Variants in AVL9 observed in about 807,000 individuals in gnomAD.
AVL9 encodes late secretory pathway protein AVL9 homolog.
In AVL9, 49 loss-of-function variants were observed where a neutral mutation model predicts 79.2. The ratio of observed to expected loss-of-function variants is 0.62; its 90% CI spans 0.49 to 0.79. The LOEUF is 0.79. AVL9 is among the 30% of genes least tolerant of loss of function. The pLI is 0.00. For synonymous variants in AVL9, 299 were observed against 280.6 expected (o/e 1.07, Z -0.65); for missense variants, 682 against 776.8 (o/e 0.88, Z 1.45).
At chr7:32,523,916 G>C (rs868807088) in intron 1 of AVL9, among the ~76,000 whole-genome samples, 1 of 151,716 alleles carries the variant, frequency 6.6e-6, no homozygotes, top group Non-Finnish European at 1.5e-5. Flanking sequence ...TGTATTTTTA[G>C]TAGAGATGGG....
intron 1 of AVL9, among the ~76,000 whole-genome samples, chr7:32,502,979 GA>G (rs1444668201): frequency 1.3e-5 from 2 of 152,158 alleles, no homozygotes; most frequent in Non-Finnish European, 2.9e-5. Context: ...CACATCTACT[GA>G]ATCTGTTGTG....
Position 32,559,358 on chromosome 7 carries a change from T to C in AVL9, c.1109T>C (p.Ile370Thr), listed in dbSNP as rs1282828901. Reference protein sequence around the residue: ...KDSVPSESLPITVQPQANTGQ... With the variant: ...KDSVPSESLPTTVQPQANTGQ... ...TCTGTCCCCTCAGAGAGTCTTCCAA[T>C]TACTGTACAACCTCAAGCTAATACG... Residue 370 changes from isoleucine to threonine, a missense_variant, in exon 10 of 16, where the codon ATT becomes ACT. Physicochemically the swap from Ile to Thr is moderately conservative, Grantham distance 89. Coordinates refer to ENST00000318709, the MANE Select transcript of AVL9 (RefSeq NM_015060.3). 1 of 1,614,002 alleles carries C rather than the reference T, an allele frequency of 6.2e-7. No individual in the cohort carries two copies. The highest frequency in any genetic ancestry group is 8.5e-7 in the Non-Finnish European group (1 of 1,180,032).
chr7:32,580,998 T>C (rs922032705), intron 15 of AVL9, 108 bp downstream of exon 15: 4 of 894,132 alleles, frequency 4.5e-6, no homozygotes, highest in African/African-American at 3.4e-5. Flanking sequence ...ATCTGTGTTA[T>C]CACATAGTAA....
In AVL9 at chr7:32,584,305, C is replaced by T. The variant is rs1426701976; in HGVS notation, c.*398C>T. The T allele has an allele frequency of 5.5e-6, 1 of 180,796 alleles. No individual in the cohort carries two copies. Among genetic ancestry groups the T allele is most frequent in the African/African-American group, 2.4e-5 (1 of 42,232 alleles). 11.2% of individuals were successfully genotyped at this position (180,796 alleles called of 1,614,324 possible). A position where few individuals can be genotyped will look rare whatever the true frequency, so the allele number is the denominator to read the frequency against. ...TACTTGCTAAAATTAATTTATATTA[C>T]CATTTTCTCTAAAGTTGGCCTTAAA... On this transcript the variant is annotated 3_prime_UTR_variant, in exon 16 of 16. Transcript: ENST00000318709.
At chr7:32,515,398 G>T (rs1002039605) in intron 1 of AVL9, among the ~76,000 whole-genome samples, 1 of 152,172 alleles carries the variant, frequency 6.6e-6, no homozygotes, top group South Asian at 2.1e-4. Context: ...AGAGCTGGGA[G>T]CCCTCCTCCC....
chr7:32,576,791 G>GA (rs901705269), intron 13 of AVL9, among the ~76,000 whole-genome samples: 61 of 148,586 alleles, frequency 4.1e-4, no homozygotes, highest in African/African-American at 1.3e-3. Flanking sequence ...TGTCTCAAAA[G>GA]AAAAAAAAAA....
chr7:32,570,525 A>C (rs1179633057), intron 11 of AVL9, among the ~76,000 whole-genome samples: 2 of 152,222 alleles, frequency 1.3e-5, no homozygotes, highest in African/African-American at 4.8e-5. Context: ...GCCTGTTTAG[A>C]ATGCTCTTGA....
At chr7:32,503,671 T>G (rs1787280233) in intron 1 of AVL9, among the ~76,000 whole-genome samples, 2 of 145,606 alleles carry the variant, frequency 1.4e-5, no homozygotes, top group Non-Finnish European at 3.0e-5. Flanking sequence ...TATGTGCACA[T>G]GGCTACAAGG....
rs536002091 is a variant in AVL9, at chr7:32,562,464, T to C, written c.1215+3000T>C. ...TGGCTAATTGTTCTAACCCTATTTT[T>C]TAATCTTTTTATAAAAACCATTCAG... On this transcript the variant is annotated intron_variant, in intron 10 of 15. Coordinates refer to ENST00000318709, the MANE Select transcript of AVL9 (RefSeq NM_015060.3). 68 of 205,056 alleles carry C rather than the reference T, an allele frequency of 3.3e-4. No homozygotes were observed. In the Middle Eastern group the frequency reaches 7.7e-3, roughly 23 times the overall value. The allele number at this position is 205,056 out of a possible 1,614,324, so 12.7% of individuals were successfully genotyped here.
chr7:32,495,548 G>A lies in AVL9; in HGVS notation c.-162G>A. On this transcript the variant is annotated 5_prime_UTR_variant, in exon 1 of 16. An upstream open reading frame in the 5' UTR gains an earlier in-frame stop. Transcript: ENST00000318709. ...ATGAGGGAAGGGCGGCCGTGGCCCTGGGGGCGGCGGGAGCTGCTTTGCCTC... is the reference window on the plus strand; with the variant it reads ...ATGAGGGAAGGGCGGCCGTGGCCCTAGGGGCGGCGGGAGCTGCTTTGCCTC... 2 of 417,650 alleles carry A rather than the reference G, an allele frequency of 4.8e-6. No individual in the cohort carries two copies. The highest frequency in any genetic ancestry group is 1.4e-4 in the South Asian group (1 of 7,384). 25.9% of individuals were successfully genotyped at this position (417,650 alleles called of 1,614,324 possible). A position where few individuals can be genotyped will look rare whatever the true frequency, so the allele number is the denominator to read the frequency against.
At chr7:32,514,943 C>T (rs1438530606) in intron 1 of AVL9, among the ~76,000 whole-genome samples, 1 of 152,198 alleles carries the variant, frequency 6.6e-6, no homozygotes, top group Admixed American at 6.5e-5. Flanking sequence ...AAAAATACAG[C>T]ACATGTTTTT....
intron 1 of AVL9, 70 bp from the exon 2 acceptor site, chr7:32,543,070 AT>A: frequency 6.3e-7 from 1 of 1,589,146 alleles, no homozygotes; most frequent in Non-Finnish European, 8.6e-7. Flanking sequence ...GTTTAAAAGC[AT>A]TTTTACCTAT....
At position 32,576,542 on chromosome 7, in the gene AVL9, G is replaced by C. The variant is rs549589193; in HGVS notation, c.1688+470G>C. On this transcript the variant is annotated intron_variant, in intron 13 of 15. Coordinates refer to ENST00000318709, the MANE Select transcript of AVL9 (RefSeq NM_015060.3). ...CTCATGCCTGTAATCCCAACACTTTGGGAGGCCGAGGTGGGCAGATCACCT... is the reference window on the plus strand; with the variant it reads ...CTCATGCCTGTAATCCCAACACTTTCGGAGGCCGAGGTGGGCAGATCACCT... Among the ~76,000 whole-genome samples, 3 of 152,300 alleles carry C rather than the reference G, an allele frequency of 2.0e-5. No individual in the cohort carries two copies. In the South Asian group the frequency reaches 6.2e-4, roughly 32 times the overall value.
chr7:32,549,868 AGAGATCAGCCACTGC>A (rs1222461873), intron 4 of AVL9, among the ~76,000 whole-genome samples: 2 of 150,950 alleles, frequency 1.3e-5, no homozygotes, highest in Non-Finnish European at 2.9e-5. Flanking sequence ...TGCAGTGAGC[AGAGATCAGCCACTGC>A]ACTCCAGCCT....
intron 12 of AVL9, among the ~76,000 whole-genome samples, chr7:32,574,066 T>C (rs1213598725): frequency 1.3e-5 from 2 of 152,186 alleles, no homozygotes; most frequent in East Asian, 1.9e-4. Context: ...AGATATTTAT[T>C]AGAGTTGTTA....
At position 32,560,222 on chromosome 7, in the gene AVL9, TAATA is replaced by T. The variant is rs1421842618; in HGVS notation, c.1215+762_1215+765del. 1.1e-4 allele frequency among the ~76,000 whole-genome samples: 16 copies of T among 147,898 alleles called. No homozygotes were observed. In the Admixed American group the frequency reaches 1.1e-3, roughly 10 times the overall value. On this transcript the variant is annotated intron_variant, in intron 10 of 15. Transcript: ENST00000318709. The stretch of plus-strand genomic sequence containing the variant: ...GAGGGAGACTCTATTATTTTTTAAA[TAATA>T]AATGTTTATTATTTAAAATTTAATA...
chr7:32,554,824 G>A (rs960356529), intron 8 of AVL9, among the ~76,000 whole-genome samples: 3 of 152,086 alleles, frequency 2.0e-5, no homozygotes, highest in Non-Finnish European at 2.9e-5. Flanking sequence ...AAATAGAAAG[G>A]ACATATTGGC....
At chr7:32,535,087 T>C (rs1220954568) in intron 1 of AVL9, 2 of 152,262 alleles carry the variant, frequency 1.3e-5, no homozygotes, top group Non-Finnish European at 1.5e-5. Flanking sequence ...TTTTCAGAGC[T>C]TCTCCTGTGT....
intron 3 of AVL9, among the ~76,000 whole-genome samples, chr7:32,548,144 C>CTCTTTTTTTTTTTTTTTTTTTTTTTTTTT (rs1227025763): frequency 6.9e-5 from 4 of 57,594 alleles, no homozygotes; most frequent in African/African-American, 2.2e-4. Context: ...TTTGTCATCT[C>CTCTTTTTTTTTTTTTTTTTTTTTTTTTTT]TTTTTTCTTT....
Sources: gnomAD v4.1 joint callset for allele counts (sites outside exome capture counted in the v4.1 genomes callset) on GRCh38, gnomAD v4.1.1 for gene constraint, MANE v1.5 for transcripts, NCBI Gene and HGNC (gene_info 2026-07-23, HGNC 2026-07-21) for gene names.